Variants in AFDN observed in about 807,000 individuals in gnomAD.
AFDN encodes afadin.
AFDN carries 68 observed loss-of-function variants against 216.6 expected under a neutral mutation model. That is an observed-to-expected ratio of 0.31 (90% CI 0.26 to 0.38). The LOEUF (loss-of-function observed/expected upper bound fraction) is 0.38. Among genes scored for constraint, AFDN ranks in the 10% least tolerant of loss-of-function variants. The pLI, the probability that AFDN is intolerant of heterozygous loss-of-function variation, is 1.00. For missense variants in AFDN, 2,136 were observed against 2,342.0 expected (o/e 0.91, Z 1.82); for synonymous variants, 868 against 853.7 (o/e 1.02, Z -0.29).
At chr6:167,879,220 A>G (rs1489487481) in intron 5 of AFDN, among the ~76,000 whole-genome samples, 2 of 152,242 alleles carry the variant, frequency 1.3e-5, no homozygotes, top group Admixed American at 6.5e-5. Context: ...TAGCAGGTCC[A>G]TATTCTAATA....
chr6:167,855,973 C>G (rs2128196799), intron 1 of AFDN, among the ~76,000 whole-genome samples: 1 of 152,136 alleles, frequency 6.6e-6, no homozygotes, highest in African/African-American at 2.4e-5. Flanking sequence ...ATGGAAAATC[C>G]AAAAATAAAC....
intron 23 of AFDN, among the ~76,000 whole-genome samples, chr6:167,937,884 G>A (rs1419419974): frequency 2.0e-5 from 3 of 152,146 alleles, no homozygotes; most frequent in Non-Finnish European, 4.4e-5. Context: ...CCTCCTCATC[G>A]TAGGTTTTTA....
intron 11 of AFDN, among the ~76,000 whole-genome samples, chr6:167,902,105 A>G (rs1034266854): frequency 8.6e-5 from 13 of 151,990 alleles, no homozygotes; most frequent in African/African-American, 3.1e-4. Context: ...AAAAAAAAAA[A>G]AAAAAAAGAT....
At chr6:167,878,126 T>G (rs1337480457) in intron 5 of AFDN, among the ~76,000 whole-genome samples, 4 of 152,174 alleles carry the variant, frequency 2.6e-5, no homozygotes, top group African/African-American at 9.7e-5. Context: ...TTTAGTTGAT[T>G]CTTCCTCTTG....
Position 167,962,709 on chromosome 6 carries a change from T to C in AFDN, c.4968+142T>C. ...GGCCTGGCTCCCCCAGCTTTGTGAT[T>C]GGACCTGCAACTTTACCCCATCTGG... On this transcript the variant is annotated intron_variant, in intron 31 of 33. Transcript: ENST00000683244. The surrounding 1 kb of genome is among the most constrained non-coding windows in gnomAD (Gnocchi z 5.2). The C allele has an allele frequency of 2.0e-6, 3 of 1,536,342 alleles. No individual in the cohort carries two copies. Among genetic ancestry groups the C allele is most frequent in the Non-Finnish European group, 2.6e-6 (3 of 1,142,666 alleles).
intron 8 of AFDN, among the ~76,000 whole-genome samples, 175 bp downstream of exon 8, chr6:167,891,204 T>G (rs934785106): frequency 1.3e-5 from 2 of 152,176 alleles, no homozygotes; most frequent in African/African-American, 4.8e-5. Context: ...TATTAAAACT[T>G]AAGGTTGTAA....
At position 167,943,068 on chromosome 6, in the gene AFDN, G is replaced by A. The variant is rs1357692774; in HGVS notation, c.3100-61G>A. 7.1e-6 allele frequency: 10 copies of A among 1,411,638 alleles called. No individual in the cohort carries two copies. In the East Asian group the frequency reaches 2.3e-4, roughly 32 times the overall value. 87.4% of individuals were successfully genotyped at this position (1,411,638 alleles called of 1,614,324 possible). A position where few individuals can be genotyped will look rare whatever the true frequency, so the allele number is the denominator to read the frequency against. ...GGTTTTATTTTTGTTTTACTTTCCT[G>A]CATAGTGCATTTCTTACAATATATC... is the stretch of plus-strand genomic sequence containing the variant. On this transcript the variant is annotated intron_variant, in intron 23 of 33. Coordinates refer to ENST00000683244, the MANE Select transcript of AFDN (RefSeq NM_001386888.1).
chr6:167,928,767 C>A (rs1320723969), intron 23 of AFDN, among the ~76,000 whole-genome samples: 2 of 152,192 alleles, frequency 1.3e-5, no homozygotes, highest in East Asian at 3.8e-4. Context: ...ACTTGGTCAC[C>A]TCTTCCACAC....
intron 14 of AFDN, 40 bp from the exon 15 acceptor site, chr6:167,911,242 TTC>T: frequency 6.2e-7 from 1 of 1,604,504 alleles, no homozygotes; most frequent in Non-Finnish European, 8.5e-7. Context: ...TTCGTTTTTA[TTC>T]TTTTTTCCTT....
At chr6:167,858,141 T>G (rs894278061) in intron 1 of AFDN, among the ~76,000 whole-genome samples, 5 of 152,160 alleles carry the variant, frequency 3.3e-5, no homozygotes, top group Admixed American at 3.3e-4. Context: ...TCCATAATGC[T>G]GACTAAGAGT....
intron 31 of AFDN, chr6:167,964,479 CT>C: frequency 9.4e-7 from 1 of 1,065,680 alleles, no homozygotes; most frequent in Non-Finnish European, 1.1e-6. Flanking sequence ...AGATGAGAGT[CT>C]TTCCTTCAGG....
At chr6:167,908,129 T>A (rs1789942752) in intron 13 of AFDN, among the ~76,000 whole-genome samples, 1 of 152,200 alleles carries the variant, frequency 6.6e-6, no homozygotes, top group African/African-American at 2.4e-5. Context: ...TTCAGATAGA[T>A]TTTTGAAGAG....
In AFDN at chr6:167,952,085, C is replaced by T. The variant is rs774418043; in HGVS notation, c.4731C>T (p.Leu1577=). 1.9e-6 allele frequency: 3 copies of T among 1,614,044 alleles called. No individual in the cohort carries two copies. The Admixed American group carries it at 5.0e-5, about 27-fold the overall frequency. ...TGGAGTGGCAGTTCCAGAAGAGACTCCAGGAGTCGAAGCAGAAGGACGAAG... is the reference window on the plus strand; with the variant it reads ...TGGAGTGGCAGTTCCAGAAGAGACTTCAGGAGTCGAAGCAGAAGGACGAAG... ...LMLEWQFQKR[L]QESKQKDEDD... is the part of the protein sequence containing the mutation. Residue 1577 remains leucine, a synonymous_variant, in exon 30 of 34, where the codon CTC becomes CTT. Transcript: ENST00000683244.
chr6:167,897,017 G>T (rs747376494), intron 10 of AFDN, 45 bp downstream of exon 10: 13 of 1,144,608 alleles, frequency 1.1e-5, no homozygotes, highest in African/African-American at 1.5e-5. Context: ...ATTCCAGGAG[G>T]CATAACGTAT....
Position 167,948,444 on chromosome 6 carries a change from A to T in AFDN, c.3797A>T (p.His1266Leu). 6.2e-7 allele frequency: 1 copy of T among 1,614,212 alleles called. No homozygotes were observed. Among genetic ancestry groups the T allele is most frequent in the Non-Finnish European group, 8.5e-7 (1 of 1,180,042 alleles). The change falls in exon 29 of 34, where the codon CAC becomes CTC. Residue 1266 changes from histidine to leucine, a missense_variant. This residue lies in a region of AFDN where 981 missense variants were observed against 966.0 expected (regional missense o/e 1.02). Transcript: ENST00000683244. ...AATTATGAGGAAAAGCCACATATGC[A>T]CACAGATAGTAATCATTCCAGTATT... is the stretch of plus-strand genomic sequence containing the variant. ...WPNYEEKPHMHTDSNHSSIAI... is the reference protein window; with the variant it reads ...WPNYEEKPHMLTDSNHSSIAI...
intron 6 of AFDN, among the ~76,000 whole-genome samples, chr6:167,886,308 A>T (rs1295646147): frequency 6.6e-6 from 1 of 152,216 alleles, no homozygotes; most frequent in African/African-American, 2.4e-5. Context: ...GAAGGAAAAA[A>T]GTCTTCTCAG....
Position 167,965,995 on chromosome 6 carries a change from A to G in AFDN, c.5207A>G (p.Lys1736Arg). ...VLSPDSLFTA[K>R]FVAYNEEEEE... The stretch of plus-strand genomic sequence containing the variant: ...TCCCCCGACTCGCTGTTCACTGCCA[A>G]GTTTGTTGCATACAATGAGGAGGAG... Residue 1736 changes from lysine (K) to arginine (R), a missense_variant, in exon 32 of 34, where the codon AAG (lysine) becomes AGG (arginine). By Grantham distance (26) the Lys-to-Arg change is conservative. This residue lies in a region of AFDN where 981 missense variants were observed against 966.0 expected (regional missense o/e 1.02). Transcript: ENST00000683244. 1 of 1,550,782 alleles carries G rather than the reference A, an allele frequency of 6.4e-7. No individual in the cohort carries two copies. The highest frequency in any genetic ancestry group is 8.7e-7 in the Non-Finnish European group (1 of 1,146,976).
At chr6:167,834,887 C>G (rs889217741) in intron 1 of AFDN, among the ~76,000 whole-genome samples, 4 of 152,048 alleles carry the variant, frequency 2.6e-5, no homozygotes, top group African/African-American at 9.7e-5. Context: ...GAGGCTGAGG[C>G]AGGACGATTG....
chr6:167,840,662 G>A (rs551603469), intron 1 of AFDN, among the ~76,000 whole-genome samples: 1 of 152,228 alleles, frequency 6.6e-6, no homozygotes, highest in African/African-American at 2.4e-5. Context: ...TTGTGACTGA[G>A]AAGAGTACTA....
Sources: gnomAD v4.1 joint callset for allele counts (sites outside exome capture counted in the v4.1 genomes callset) on GRCh38, gnomAD v4.1.1 for gene constraint, gnomAD v4.1.1 regional missense constraint, Gnocchi (gnomAD v3.1) non-coding constraint, MANE v1.5 for transcripts, NCBI Gene and HGNC (gene_info 2026-07-23, HGNC 2026-07-21) for gene names.